LRRIQ3: variants seen among roughly 807,000 people sequenced by gnomAD.
The protein encoded by LRRIQ3 is leucine rich repeats and IQ motif containing 3, also known as leucine-rich repeat and IQ domain-containing protein 3.
In LRRIQ3, 75 loss-of-function variants were observed where a neutral mutation model predicts 59.3. The observed-to-expected ratio is 1.26, with a 90% CI of 1.05 to 1.53. LRRIQ3 has a LOEUF of 1.53. LRRIQ3 is among the 40% of genes most tolerant of loss of function. The pLI is 0.00. For missense variants in LRRIQ3, 831 were observed against 710.0 expected, an observed-to-expected ratio of 1.17 and a Z score of -1.94; for synonymous variants, 250 against 231.3, an observed-to-expected ratio of 1.08 and a Z score of -0.73.
Position 74,041,101 on chromosome 1 carries a change from T to C in LRRIQ3, c.1718+112A>G, listed in dbSNP as rs1380286633. On this transcript the variant is annotated intron_variant, in intron 7 of 7. Coordinates refer to ENST00000354431, the MANE Select transcript of LRRIQ3 (RefSeq NM_001105659.2). The stretch of plus-strand genomic sequence containing the variant: ...TGTTCTTTGTTTTAATTTTTCAAAG[T>C]AGAATGTACTATGTTACAAACAGCA... 4.7e-6 allele frequency: 4 copies of C among 846,268 alleles called. No homozygotes were observed. The African/African-American group carries it at 7.0e-5, about 15-fold the overall frequency. 52.4% of individuals were successfully genotyped at this position (846,268 alleles called of 1,614,324 possible). A position where few individuals can be genotyped will look rare whatever the true frequency, so the allele number is the denominator to read the frequency against.
chr1:74,183,375 G>A lies in LRRIQ3; in HGVS notation c.249+61C>T. 6 of 1,408,404 alleles carry A rather than the reference G, an allele frequency of 4.3e-6. No homozygotes were observed. In the South Asian group the frequency reaches 7.7e-5, roughly 18 times the overall value. The allele number at this position is 1,408,404 out of a possible 1,614,324, so 87.2% of individuals were successfully genotyped here. A position where few individuals can be genotyped will look rare whatever the true frequency, so the allele number is the denominator to read the frequency against. On this transcript the variant is annotated intron_variant, in intron 2 of 7. Transcript: ENST00000354431. ...GAAATACTGTGGATAGGTAACATAA[G>A]TACTTATTATAAGACTGAAATTTCG...
chr1:74,085,371 A>G (rs1053843888), intron 5 of LRRIQ3, among the ~76,000 whole-genome samples: 1 of 151,024 alleles, frequency 6.6e-6, no homozygotes, highest in Non-Finnish European at 1.5e-5. Context: ...AATGGCTAAT[A>G]TTTTTAGTGT....
Position 74,091,953 on chromosome 1 carries a change from T to C in LRRIQ3, c.868-17163A>G, listed in dbSNP as rs546315472. On this transcript the variant is annotated intron_variant, in intron 5 of 7. Transcript: ENST00000354431. ...TCTGATTTTTGTCTGGGCACATTTC[T>C]GCTTAAAATAATGCCTACATATTTC... Among the ~76,000 whole-genome samples, 49 of 152,232 alleles carry C rather than the reference T, an allele frequency of 3.2e-4. No homozygotes were observed. The South Asian group carries it at 9.3e-3, about 29-fold the overall frequency.
intron 6 of LRRIQ3, among the ~76,000 whole-genome samples, chr1:74,064,598 A>G (rs183248436): frequency 5.7e-4 from 86 of 152,164 alleles, no homozygotes; most frequent in African/African-American, 2.0e-3. Context: ...CACATCTTTT[A>G]GCAATGATAT....
At chr1:74,150,069 T>A (rs924750959) in intron 4 of LRRIQ3, among the ~76,000 whole-genome samples, 1 of 152,218 alleles carries the variant, frequency 6.6e-6, no homozygotes, top group Non-Finnish European at 1.5e-5. Context: ...TTAAAATTGC[T>A]GTTATAATCA....
At chr1:74,037,940 G>A (rs1653921798) in intron 7 of LRRIQ3, among the ~76,000 whole-genome samples, 1 of 152,194 alleles carries the variant, frequency 6.6e-6, no homozygotes, top group South Asian at 2.1e-4. Flanking sequence ...ATCTGCTTAA[G>A]ACTCCCAGGG....
intron 5 of LRRIQ3, among the ~76,000 whole-genome samples, chr1:74,098,548 G>A (rs913781489): frequency 1.2e-4 from 19 of 152,134 alleles, no homozygotes; most frequent in African/African-American, 4.3e-4. Flanking sequence ...TCTGCACCAA[G>A]CAGACCTAAT....
In LRRIQ3 at chr1:74,197,952, C is replaced by T. The variant is rs1027764041; in HGVS notation, c.-1+44G>A. The T allele has an allele frequency of 1.3e-5, 5 of 393,476 alleles. No individual in the cohort carries two copies. In the East Asian group the frequency reaches 2.0e-4, roughly 16 times the overall value. The allele number at this position is 393,476 out of a possible 1,614,324, so 24.4% of individuals were successfully genotyped here. A position where few individuals can be genotyped will look rare whatever the true frequency, so the allele number is the denominator to read the frequency against. On this transcript the variant is annotated intron_variant, in intron 1 of 7. Coordinates refer to ENST00000354431, the MANE Select transcript of LRRIQ3 (RefSeq NM_001105659.2). The stretch of plus-strand genomic sequence containing the variant: ...GAATGTAGTTTCGCCTTATCCTTAG[C>T]GGGTCGGTTCTAACAATTTTGTCAC...
intron 6 of LRRIQ3, among the ~76,000 whole-genome samples, chr1:74,055,044 C>A (rs982783061): frequency 6.8e-6 from 1 of 146,440 alleles, no homozygotes; most frequent in Non-Finnish European, 1.5e-5. Flanking sequence ...TATATAAATA[C>A]CCACATACAT....
intron 3 of LRRIQ3, among the ~76,000 whole-genome samples, chr1:74,172,961 AAGG>A (rs1649417638): frequency 1.3e-5 from 2 of 152,164 alleles, no homozygotes; most frequent in African/African-American, 4.8e-5. Flanking sequence ...ATTTAAATCC[AAGG>A]AAAATCTCTT....
At chr1:74,070,294 C>T (rs1484901150) in intron 6 of LRRIQ3, among the ~76,000 whole-genome samples, 2 of 151,992 alleles carry the variant, frequency 1.3e-5, no homozygotes, top group African/African-American at 4.8e-5. Flanking sequence ...TACTATGCAG[C>T]CCCCAAAATA....
intron 6 of LRRIQ3, among the ~76,000 whole-genome samples, chr1:74,047,469 C>A (rs1654239627): frequency 6.6e-6 from 1 of 151,982 alleles, no homozygotes; most frequent in East Asian, 1.9e-4. Context: ...GGACGGATAG[C>A]ATTAGGAGAA....
chr1:74,182,404 T>G (rs922444052), intron 3 of LRRIQ3, 134 bp downstream of exon 3: 32 of 460,954 alleles, frequency 6.9e-5, no homozygotes, highest in Non-Finnish European at 8.8e-5. Flanking sequence ...ACAAATATAT[T>G]CATTGGTTTA....
At chr1:74,030,930 C>A (rs576497040) in intron 7 of LRRIQ3, among the ~76,000 whole-genome samples, 1 of 152,202 alleles carries the variant, frequency 6.6e-6, no homozygotes, top group Non-Finnish European at 1.5e-5. Context: ...TAACAAACAA[C>A]CCCATCAAAA....
chr1:74,115,396 T>C (rs961006122), intron 4 of LRRIQ3, among the ~76,000 whole-genome samples: 1 of 152,192 alleles, frequency 6.6e-6, no homozygotes, highest in Non-Finnish European at 1.5e-5. Flanking sequence ...TTATTTTTAC[T>C]GGAGACTCCC....
intron 4 of LRRIQ3, among the ~76,000 whole-genome samples, chr1:74,151,452 C>G (rs1332650269): frequency 6.6e-6 from 1 of 151,986 alleles, no homozygotes; most frequent in African/African-American, 2.4e-5. Flanking sequence ...CTCGGGAAAT[C>G]TAAAATGTGA....
At chr1:74,160,869 T>A (rs959520955) in intron 3 of LRRIQ3, among the ~76,000 whole-genome samples, 1 of 152,180 alleles carries the variant, frequency 6.6e-6, no homozygotes, top group African/African-American at 2.4e-5. Flanking sequence ...CCTGAAAACA[T>A]AGAGGGTTTT....
At chr1:74,047,557 G>A (rs1654242591) in intron 6 of LRRIQ3, among the ~76,000 whole-genome samples, 1 of 151,852 alleles carries the variant, frequency 6.6e-6, no homozygotes, top group South Asian at 2.1e-4. Context: ...AAACCTGCAC[G>A]TTCTGCACAT....
At chr1:74,109,234 T>C (rs1252789462) in intron 5 of LRRIQ3, 160 bp downstream of exon 5, 4 of 609,214 alleles carry the variant, frequency 6.6e-6, no homozygotes, top group Middle Eastern at 3.8e-4. Flanking sequence ...TTGTATTACA[T>C]TACTATATAA....
Sources: allele counts gnomAD v4.1 joint callset (sites outside exome capture counted in the v4.1 genomes callset), GRCh38; gene constraint gnomAD v4.1.1; transcripts MANE v1.5; gene names NCBI Gene and HGNC (gene_info 2026-07-23, HGNC 2026-07-21).